Variants in TRIP12 observed in about 807,000 individuals in gnomAD.
TRIP12 encodes thyroid hormone receptor interactor 12.
Under a neutral mutation model 244.2 loss-of-function variants are expected in TRIP12, and 25 were observed. That is an observed-to-expected ratio of 0.10 (90% CI 0.07 to 0.14). The LOEUF (loss-of-function observed/expected upper bound fraction) is 0.14, where lower values mean the gene tolerates loss of function less well. TRIP12 is among the 10% of genes least tolerant of loss of function. The pLI is 1.00. For missense variants in TRIP12, 1,677 were observed against 2,486.4 expected (o/e 0.67, Z 6.92); for synonymous variants, 905 against 873.1 (o/e 1.04, Z -0.64).
At chr2:229,899,019 A>C (rs2069787165) in intron 1 of TRIP12, among the ~76,000 whole-genome samples, 1 of 152,252 alleles carries the variant, frequency 6.6e-6, no homozygotes, top group South Asian at 2.1e-4. Context: ...ATCAGCAAGA[A>C]ACAATAAAAT....
intron 9 of TRIP12, among the ~76,000 whole-genome samples, chr2:229,815,860 T>C (rs2048373932): frequency 6.6e-6 from 1 of 152,214 alleles, no homozygotes; most frequent in Non-Finnish European, 1.5e-5. Context: ...TATGCACTAA[T>C]TAAAGCCAAA....
intron 1 of TRIP12, among the ~76,000 whole-genome samples, chr2:229,912,343 AT>A (rs1341330757): frequency 6.6e-6 from 1 of 152,188 alleles, no homozygotes; most frequent in African/African-American, 2.4e-5. Flanking sequence ...ATTCATAAAT[AT>A]TTTTGTACAC....
At chr2:229,802,976 G>A (rs2154269840) in intron 20 of TRIP12, among the ~76,000 whole-genome samples, 1 of 152,274 alleles carries the variant, frequency 6.6e-6, no homozygotes, top group South Asian at 2.1e-4. Context: ...TGTGAGGCAG[G>A]GGTTCCTATC....
intron 27 of TRIP12, 144 bp from the exon 28 acceptor site, chr2:229,792,370 G>GT (rs2154260271): frequency 1.2e-6 from 1 of 808,186 alleles, no homozygotes; most frequent in Non-Finnish European, 2.0e-6. Flanking sequence ...GCCCAGAAGT[G>GT]TTTTAGATTT....
Position 229,778,746 on chromosome 2 carries a change from A to C in TRIP12, c.5209+130T>G. 7.5e-7 allele frequency: 1 copy of C among 1,337,260 alleles called. No individual in the cohort carries two copies. The highest frequency in any genetic ancestry group is 1.5e-5 in the African/African-American group (1 of 68,338). The allele number at this position is 1,337,260 out of a possible 1,614,324, so 82.8% of individuals were successfully genotyped here. ...CTGGACAGGCCTTCCCTATTTGATA[A>C]ATGAGAAAACAGAGGCTAAAAGAAA... On this transcript the variant is annotated intron_variant, in intron 35 of 41. Transcript: ENST00000675903. The surrounding 1 kb of genome is among the most constrained non-coding windows in gnomAD (Gnocchi z 4.1).
chr2:229,831,020 A>C, intron 6 of TRIP12, 181 bp from the exon 7 acceptor site: 1 of 683,382 alleles, frequency 1.5e-6, no homozygotes, highest in Non-Finnish European at 2.7e-6. Context: ...GAATGAAAGG[A>C]GAGCTCAACT....
chr2:229,789,331 G>T (rs1054782758), intron 31 of TRIP12, among the ~76,000 whole-genome samples: 3 of 152,150 alleles, frequency 2.0e-5, no homozygotes, highest in African/African-American at 4.8e-5. Context: ...TGTACCTAAA[G>T]AATTTTAACT....
In TRIP12 at chr2:229,798,152, TA is replaced by T. The variant is rs1428212406; in HGVS notation, c.3483-322del. Among the ~76,000 whole-genome samples the T allele has an allele frequency of 3.3e-5, 5 of 152,330 alleles. No homozygotes were observed. The South Asian group carries it at 8.3e-4, about 25-fold the overall frequency. On this transcript the variant is annotated intron_variant, in intron 23 of 41. Coordinates refer to ENST00000675903, the MANE Select transcript of TRIP12 (RefSeq NM_001348323.3). The stretch of plus-strand genomic sequence containing the variant: ...TCCTAAAGTACATACATATCTGCAT[TA>T]TCCTTAACTTGTGTTTCCTGGAGAG...
intron 6 of TRIP12, among the ~76,000 whole-genome samples, chr2:229,836,304 C>T (rs1034542376): frequency 3.3e-5 from 5 of 152,088 alleles, no homozygotes; most frequent in African/African-American, 1.2e-4. Flanking sequence ...ATCCATCAGC[C>T]AGAATTAATA....
chr2:229,829,777 C>T (rs184801601), intron 7 of TRIP12, among the ~76,000 whole-genome samples: 26 of 152,192 alleles, frequency 1.7e-4, no homozygotes, highest in South Asian at 6.2e-4. Flanking sequence ...GATGAAAGCC[C>T]GCCTCTACTA....
chr2:229,853,880 T>C (rs1402564043), intron 4 of TRIP12, among the ~76,000 whole-genome samples: 2 of 152,180 alleles, frequency 1.3e-5, no homozygotes, highest in Non-Finnish European at 1.5e-5. Flanking sequence ...TACAGCTGAA[T>C]GATTTGCCCA....
At chr2:229,911,169 T>C (rs1435698687) in intron 1 of TRIP12, among the ~76,000 whole-genome samples, 2 of 152,256 alleles carry the variant, frequency 1.3e-5, no homozygotes, top group African/African-American at 4.8e-5. Context: ...CGAATATTTT[T>C]ATTCTAAAGT....
intron 1 of TRIP12, among the ~76,000 whole-genome samples, chr2:229,894,779 A>G (rs979319899): frequency 6.6e-6 from 1 of 152,206 alleles, no homozygotes. Flanking sequence ...TAACGTGCCT[A>G]AGAATTACCT....
chr2:229,777,222 T>C (rs2036561233), intron 37 of TRIP12, 93 bp downstream of exon 37: 1 of 1,353,214 alleles, frequency 7.4e-7, no homozygotes, highest in Non-Finnish European at 1.0e-6. Flanking sequence ...AAAACATTAA[T>C]ATAACAACTG....
At chr2:229,792,518 T>G (rs1417369761) in intron 27 of TRIP12, among the ~76,000 whole-genome samples, 1 of 152,208 alleles carries the variant, frequency 6.6e-6, no homozygotes, top group Non-Finnish European at 1.5e-5. Context: ...TTCAATAATT[T>G]TGTGCATGAA....
At chr2:229,796,552 G>C (rs1474495272) in intron 25 of TRIP12, 39 bp downstream of exon 25, 19 of 1,509,166 alleles carry the variant, frequency 1.3e-5, no homozygotes, top group Non-Finnish European at 1.7e-5. Flanking sequence ...AGTGAGCACT[G>C]ATTCTTAAAA....
rs1367935233 is a variant in TRIP12 at position 229,799,335 on chromosome 2, T to C, written c.3255A>G (p.Pro1085=). ...TTGGAGGTGAGTACTTTGGCCTTCT[T>C]GGCCCTCGTTTTGGCAGTCGTTTTC... ...LKRKRLPKRG[P]RRPKYSPPRD... The change falls in exon 22 of 42, where the codon CCA becomes CCG. Residue 1085 remains proline, a synonymous_variant. Coordinates refer to ENST00000675903, the MANE Select transcript of TRIP12 (RefSeq NM_001348323.3). 1.9e-6 allele frequency: 3 copies of C among 1,614,090 alleles called. No homozygotes were observed. The highest frequency in any genetic ancestry group is 2.7e-5 in the African/African-American group (2 of 74,928).
Position 229,841,315 on chromosome 2 carries a change from A to C in TRIP12, c.1028-388T>G, listed in dbSNP as rs2056375204. Among the ~76,000 whole-genome samples, 3 of 152,180 alleles carry C rather than the reference A, an allele frequency of 2.0e-5. No homozygotes were observed. The South Asian group carries it at 6.2e-4, about 32-fold the overall frequency. On this transcript the variant is annotated intron_variant, in intron 4 of 41. Coordinates refer to ENST00000675903, the MANE Select transcript of TRIP12 (RefSeq NM_001348323.3). ...ATCAACTTTGTTACACTGTTCTTATATTGTCCCATTTCAGTTAGTTTATAT... is the reference window on the plus strand; with the variant it reads ...ATCAACTTTGTTACACTGTTCTTATCTTGTCCCATTTCAGTTAGTTTATAT...
At chr2:229,864,033 AGAGAGAGAGAGAGAGTGTGTGTGT>A (rs1467888253) in intron 2 of TRIP12, among the ~76,000 whole-genome samples, 15 of 118,244 alleles carry the variant, frequency 1.3e-4, no homozygotes, top group African/African-American at 4.1e-4. Context: ...AGAGAGAGAG[AGAGAGAGAGAGAGAGTGTGTGTGT>A]GTGTGTGTGT....
Sources: gnomAD v4.1 joint callset for allele counts (sites outside exome capture counted in the v4.1 genomes callset) on GRCh38, gnomAD v4.1.1 for gene constraint, Gnocchi (gnomAD v3.1) non-coding constraint, MANE v1.5 for transcripts, NCBI Gene and HGNC (gene_info 2026-07-23, HGNC 2026-07-21) for gene names.